MECOM: variants seen among roughly 807,000 people sequenced by gnomAD.
MECOM encodes the protein histone-lysine N-methyltransferase MECOM.
A neutral mutation model predicts 116.3 loss-of-function variants in MECOM; 13 were observed. The ratio of observed to expected loss-of-function variants is 0.11; its 90% CI spans 0.07 to 0.18. MECOM has a LOEUF of 0.18. Ranked by LOEUF, MECOM falls within the 10% of genes least tolerant of loss-of-function variation. The pLI is 1.00. For synonymous variants in MECOM, 528 were observed against 535.2 expected (o/e 0.99, Z 0.19); for missense variants, 1,299 against 1,509.0 (o/e 0.86, Z 2.31).
In MECOM at chr3:169,122,439, G is replaced by T. The variant is rs1310824272; in HGVS notation, c.978+141C>A. On this transcript the variant is annotated intron_variant, in intron 6 of 16. Transcript: ENST00000651503. ...TTATACACTCTACTAATGCCTTTTA[G>T]CATACAACACTCAGTGTACTTTTCT... 4 of 898,960 alleles carry T rather than the reference G, an allele frequency of 4.4e-6. No homozygotes were observed. In the Admixed American group the frequency reaches 8.1e-5, roughly 18 times the overall value. The allele number at this position is 898,960 out of a possible 1,614,324, so 55.7% of individuals were successfully genotyped here. A position where few individuals can be genotyped will look rare whatever the true frequency, so the allele number is the denominator to read the frequency against.
At chr3:169,378,586 GT>G (rs367545691) in intron 2 of MECOM, among the ~76,000 whole-genome samples, 2,297 of 24,782 alleles carry the variant, frequency 0.093, 161 homozygotes, top group Non-Finnish European at 0.13. Flanking sequence ...AAGAAAGAAA[GT>G]AAGTAAGTAA....
At chr3:169,352,256 A>C (rs1005173446) in intron 2 of MECOM, among the ~76,000 whole-genome samples, 2 of 151,954 alleles carry the variant, frequency 1.3e-5, no homozygotes, top group Non-Finnish European at 2.9e-5. Context: ...TCACTGAGTT[A>C]GATTTAAAGA....
chr3:169,269,511 AGGGTAT>A (rs1758691888), intron 2 of MECOM, among the ~76,000 whole-genome samples: 2 of 152,248 alleles, frequency 1.3e-5, no homozygotes, highest in African/African-American at 4.8e-5. Flanking sequence ...AAACGCACTC[AGGGTAT>A]GACTCAAGAA....
intron 4 of MECOM, among the ~76,000 whole-genome samples, chr3:169,130,073 CATG>C (rs71962358): frequency 0.17 from 26,152 of 151,970 alleles, 3,652 homozygotes; most frequent in African/African-American, 0.39. Flanking sequence ...TGGATGTAAA[CATG>C]ATATGTTGAA....
intron 2 of MECOM, among the ~76,000 whole-genome samples, chr3:169,276,409 C>G (rs1759574650): frequency 1.3e-5 from 2 of 151,876 alleles, no homozygotes; most frequent in Non-Finnish European, 2.9e-5. Flanking sequence ...AAAAATTAGC[C>G]AGGCACGGTG....
intron 1 of MECOM, among the ~76,000 whole-genome samples, chr3:169,568,287 G>C (rs1007313250): frequency 2.6e-5 from 4 of 152,096 alleles, no homozygotes; most frequent in African/African-American, 9.7e-5. Context: ...GCACAAAACT[G>C]GGCAGCCATT....
Position 169,122,502 on chromosome 3 carries a change from T to C in MECOM, c.978+78A>G, listed in dbSNP as rs1331039358. 18 of 1,530,294 alleles carry C rather than the reference T, an allele frequency of 1.2e-5. No individual in the cohort carries two copies. In the Middle Eastern group the frequency reaches 5.2e-4, roughly 44 times the overall value. 94.8% of individuals were successfully genotyped at this position (1,530,294 alleles called of 1,614,324 possible). On this transcript the variant is annotated intron_variant, in intron 6 of 16. Transcript: ENST00000651503. ...AGTTTCCCCTCTGAAGGCTTGTTTT[T>C]ATATATCGTAGCAAGTGATGGATTA...
chr3:169,287,887 T>C (rs1044692012), intron 2 of MECOM, among the ~76,000 whole-genome samples: 1 of 152,296 alleles, frequency 6.6e-6, no homozygotes, highest in South Asian at 2.1e-4. Flanking sequence ...TACGACAATA[T>C]GTTTTGTGCC....
chr3:169,481,495 G>A (rs1005173248), intron 1 of MECOM, among the ~76,000 whole-genome samples: 5 of 152,068 alleles, frequency 3.3e-5, no homozygotes, highest in African/African-American at 1.2e-4. Context: ...AGGGGGTGCA[G>A]TAAGCCAAGA....
At chr3:169,157,825 G>T (rs1742225793) in intron 2 of MECOM, among the ~76,000 whole-genome samples, 1 of 152,094 alleles carries the variant, frequency 6.6e-6, no homozygotes, top group African/African-American at 2.4e-5. Context: ...GATGCCAGAA[G>T]GGACATGAAT....
intron 1 of MECOM, 60 bp downstream of exon 1, chr3:169,663,276 C>A: frequency 1.3e-6 from 2 of 1,562,780 alleles, no homozygotes; most frequent in Non-Finnish European, 1.7e-6. Context: ...GCGCTAGAGA[C>A]AGATATGCAA....
intron 1 of MECOM, chr3:169,473,034 G>A: frequency 2.2e-6 from 2 of 895,056 alleles, no homozygotes; most frequent in Non-Finnish European, 2.7e-6. Flanking sequence ...GAAAAACCTA[G>A]AGAAGGAGTC....
chr3:169,159,303 T>C (rs1308744557), intron 2 of MECOM, among the ~76,000 whole-genome samples: 1 of 152,182 alleles, frequency 6.6e-6, no homozygotes, highest in Non-Finnish European at 1.5e-5. Flanking sequence ...ATGCCTGTAA[T>C]CATTCCAGGA....
At chr3:169,649,906 A>G (rs1774673507) in intron 1 of MECOM, among the ~76,000 whole-genome samples, 1 of 152,254 alleles carries the variant, frequency 6.6e-6, no homozygotes, top group Admixed American at 6.5e-5. Flanking sequence ...ATATAATCCA[A>G]TGAGTTTTAA....
At position 169,116,606 on chromosome 3, in the gene MECOM, T is replaced by A; in HGVS notation, c.1266A>T (p.Lys422Asn). 5 of 1,614,226 alleles carry A rather than the reference T, an allele frequency of 3.1e-6. No homozygotes were observed. Among genetic ancestry groups the A allele is most frequent in the Non-Finnish European group, 4.2e-6 (5 of 1,180,036 alleles). Residue 422 changes from lysine to asparagine, a missense_variant, in exon 8 of 17, where the codon AAA (lysine) becomes AAT (asparagine). Transcript: ENST00000651503. Reference sequence around the variant, plus strand: ...TCTTGCCCTCACAAAACCTCCTGTGTTTATTTAAGGAAGACGTAGTGCTGA... The same window carrying A: ...TCTTGCCCTCACAAAACCTCCTGTGATTATTTAAGGAAGACGTAGTGCTGA... ...QMFSTTSSLN[K>N]HRRFCEGKNH...
intron 1 of MECOM, among the ~76,000 whole-genome samples, chr3:169,594,878 G>GAAAAAAAA (rs11371795): frequency 8.3e-6 from 1 of 119,772 alleles, no homozygotes. Context: ...GGATCTAACT[G>GAAAAAAAA]AAAAAAAAAA....
In MECOM at chr3:169,637,235, G is replaced by A. The variant is rs535140622; in HGVS notation, c.37+26101C>T. On this transcript the variant is annotated intron_variant, in intron 1 of 16. Transcript: ENST00000651503. Reference sequence around the variant, plus strand: ...GAGCCACTCGAACATCCAGCTTAGTGGTCTTCTAATGACTGCAGCCCCAGG... The same window carrying A: ...GAGCCACTCGAACATCCAGCTTAGTAGTCTTCTAATGACTGCAGCCCCAGG... Among the ~76,000 whole-genome samples the A allele has an allele frequency of 5.2e-4, 79 of 152,208 alleles. No homozygotes were observed. The South Asian group carries it at 9.1e-3, about 18-fold the overall frequency.
intron 2 of MECOM, among the ~76,000 whole-genome samples, chr3:169,246,383 A>C (rs1326321140): frequency 6.6e-6 from 1 of 152,210 alleles, no homozygotes; most frequent in African/African-American, 2.4e-5. Context: ...CACTAGGTAC[A>C]TCCCAAACCA....
Position 169,116,443 on chromosome 3 carries a change from C to A in MECOM, c.1429G>T (p.Ala477Ser). ...GGAGCTGTTGGAAAGGTAAGACCAG[C>A]AGGATGCCTATTGGCGCCAAAATAG... ...ADYFGANRHP[A>S]GLTFPTAPGF... Residue 477 changes from alanine (A) to serine (S), a missense_variant, in exon 8 of 17, where the codon GCT becomes TCT. Ala to Ser is a moderately conservative substitution (Grantham distance 99). Around this residue, in one of 6 missense-constraint regions of MECOM, gnomAD observed 238 missense variants for 273.1 expected, o/e 0.87. Coordinates refer to ENST00000651503, the MANE Select transcript of MECOM (RefSeq NM_004991.4). The A allele has an allele frequency of 6.2e-7, 1 of 1,614,152 alleles. No individual in the cohort carries two copies. The highest frequency in any genetic ancestry group is 8.5e-7 in the Non-Finnish European group (1 of 1,180,034).
Sources: allele counts gnomAD v4.1 joint callset (sites outside exome capture counted in the v4.1 genomes callset), GRCh38; gene constraint gnomAD v4.1.1; regional missense constraint gnomAD v4.1.1; transcripts MANE v1.5; gene names NCBI Gene and HGNC (gene_info 2026-07-23, HGNC 2026-07-21).